The following EYS variants were observed in gnomAD, a reference collection of about 807,000 sequenced individuals.
EYS encodes EGF-like photoreceptor maintenance factor.
EYS carries 250 observed loss-of-function variants against 282.1 expected under a neutral mutation model. The ratio of observed to expected loss-of-function variants is 0.89; its 90% CI spans 0.80 to 0.98. The LOEUF (loss-of-function observed/expected upper bound fraction) is 0.98, where lower values mean the gene tolerates loss of function less well. Among genes scored for constraint, EYS ranks in the 50% least tolerant of loss-of-function variants. The probability of loss-of-function intolerance (pLI) is 0.00; values close to 1 mark genes in which losing one functional copy is unlikely to be tolerated. For synonymous variants in EYS, 1,355 were observed against 1,282.9 expected (o/e 1.06, Z -1.20); for missense variants, 4,016 against 3,709.0 (o/e 1.08, Z -2.15).
At chr6:64,441,786 G>A (rs1456501047) in intron 26 of EYS, among the ~76,000 whole-genome samples, 6 of 152,292 alleles carry the variant, frequency 3.9e-5, no homozygotes, top group African/African-American at 1.2e-4. Flanking sequence ...CATGTAAGAG[G>A]TGACTTGCTC....
At chr6:64,371,124 T>G (rs1386420834) in intron 29 of EYS, among the ~76,000 whole-genome samples, 1 of 152,124 alleles carries the variant, frequency 6.6e-6, no homozygotes. Flanking sequence ...TTATTTGAGA[T>G]CTTCCTAACT....
At chr6:65,268,230 T>C (rs1438795670) in intron 12 of EYS, among the ~76,000 whole-genome samples, 1 of 152,048 alleles carries the variant, frequency 6.6e-6, no homozygotes, top group Non-Finnish European at 1.5e-5. Flanking sequence ...AATCTATCAT[T>C]AAAATTGATT....
intron 29 of EYS, among the ~76,000 whole-genome samples, chr6:64,350,083 T>C (rs1325713100): frequency 6.6e-6 from 1 of 151,486 alleles, no homozygotes; most frequent in African/African-American, 2.4e-5. Context: ...GATTCTGTAT[T>C]AGGTGTGTCA....
At chr6:65,381,317 A>C (rs1233063270) in intron 8 of EYS, among the ~76,000 whole-genome samples, 1 of 152,046 alleles carries the variant, frequency 6.6e-6, no homozygotes, top group Non-Finnish European at 1.5e-5. Context: ...TCCTTTGCAG[A>C]GATGTGGATG....
chr6:65,330,843 C>T lies in EYS; in HGVS notation c.1766+4137G>A, dbSNP rs1044278388. 8 of 936,126 alleles carry T rather than the reference C, an allele frequency of 8.5e-6. No individual in the cohort carries two copies. The African/African-American group carries it at 1.3e-4, about 15-fold the overall frequency. The allele number at this position is 936,126 out of a possible 1,614,324, so 58.0% of individuals were successfully genotyped here. A position where few individuals can be genotyped will look rare whatever the true frequency, so the allele number is the denominator to read the frequency against. The stretch of plus-strand genomic sequence containing the variant: ...GATCCCTATACACATTTAGAGTCTA[C>T]TTCTATATAAGGTATAAGGTTGTAA... On this transcript the variant is annotated intron_variant, in intron 11 of 42. Coordinates refer to ENST00000503581, the MANE Select transcript of EYS (RefSeq NM_001142800.2).
At chr6:65,054,458 ATT>A (rs1379461344) in intron 13 of EYS, among the ~76,000 whole-genome samples, 5 of 151,950 alleles carry the variant, frequency 3.3e-5, no homozygotes, top group Admixed American at 3.3e-4. Flanking sequence ...ACTACTATTG[ATT>A]TTCTGTTGGT....
intron 19 of EYS, among the ~76,000 whole-genome samples, chr6:64,871,543 C>A (rs1483187330): frequency 1.3e-5 from 2 of 151,886 alleles, no homozygotes; most frequent in Non-Finnish European, 2.9e-5. Context: ...AAATAAAAGT[C>A]ATCTCTTGCT....
intron 2 of EYS, among the ~76,000 whole-genome samples, chr6:65,558,238 G>A (rs979515924): frequency 6.6e-6 from 1 of 152,234 alleles, no homozygotes; most frequent in Non-Finnish European, 1.5e-5. Flanking sequence ...TCAGACACCT[G>A]GCCTCCCTCC....
In EYS at chr6:63,859,111, T is replaced by TTTTTTTTTTTTTTTTTTTTTTA. The variant is rs796999871; in HGVS notation, c.7228+5074_7228+5075insTAAAAAAAAAAAAAAAAAAAAA. Among the ~76,000 whole-genome samples the TTTTTTTTTTTTTTTTTTTTTTA allele has an allele frequency of 5.6e-5, 4 of 71,180 alleles. 2 individuals carry two copies. Among genetic ancestry groups the TTTTTTTTTTTTTTTTTTTTTTA allele is most frequent in the Admixed American group, 2.9e-4 (2 of 6,956 alleles). The allele number at this position is 71,180 out of a possible 152,430, so 46.7% of individuals were successfully genotyped here. On this transcript the variant is annotated intron_variant, in intron 36 of 42. Transcript: ENST00000503581. ...TTTTTTTTTTTTTTTTTTTTTTTTT[T>TTTTTTTTTTTTTTTTTTTTTTA]AATAGCTGGGATGGAGATGCAGCCT...
chr6:64,764,688 T>A (rs1198411298), intron 22 of EYS, among the ~76,000 whole-genome samples: 1 of 152,240 alleles, frequency 6.6e-6, no homozygotes, highest in African/African-American at 2.4e-5. Context: ...TCTACTCCAT[T>A]GTCAGGCTGC....
intron 13 of EYS, among the ~76,000 whole-genome samples, chr6:65,044,450 T>C (rs1197983007): frequency 6.6e-6 from 1 of 151,818 alleles, no homozygotes; most frequent in Non-Finnish European, 1.5e-5. Context: ...AAAATATCCT[T>C]GCCCAATCCA....
At chr6:64,094,116 T>C (rs1334980608) in intron 31 of EYS, among the ~76,000 whole-genome samples, 2 of 152,214 alleles carry the variant, frequency 1.3e-5, no homozygotes, top group East Asian at 1.9e-4. Context: ...CACTTGATCA[T>C]GGTGGATAAG....
intron 11 of EYS, among the ~76,000 whole-genome samples, chr6:65,324,781 C>A (rs1769573854): frequency 6.6e-6 from 1 of 152,128 alleles, no homozygotes; most frequent in Non-Finnish European, 1.5e-5. Flanking sequence ...TTGTTTTTAT[C>A]ATTTTTAAAA....
At chr6:64,537,179 C>T (rs1475849792) in intron 26 of EYS, among the ~76,000 whole-genome samples, 4 of 128,732 alleles carry the variant, frequency 3.1e-5, no homozygotes, top group East Asian at 2.5e-4. Flanking sequence ...CACAACAGTC[C>T]CCAGAGTGTG....
Position 65,061,790 on chromosome 6 carries a change from G to A in EYS, c.2024-4063C>T, listed in dbSNP as rs372715099. On this transcript the variant is annotated intron_variant, in intron 12 of 42. Transcript: ENST00000503581. ...ATCTGGGCTAAATCACACTGTGATCGTTTTCTCCTCATAGGAACCATCATG... is the reference window on the plus strand; with the variant it reads ...ATCTGGGCTAAATCACACTGTGATCATTTTCTCCTCATAGGAACCATCATG... 7.9e-5 allele frequency among the ~76,000 whole-genome samples: 12 copies of A among 151,882 alleles called. No homozygotes were observed. In the East Asian group the frequency reaches 9.7e-4, roughly 12 times the overall value.
intron 22 of EYS, among the ~76,000 whole-genome samples, chr6:64,671,593 A>G (rs1234725199): frequency 6.6e-6 from 1 of 152,170 alleles, no homozygotes; most frequent in African/African-American, 2.4e-5. Flanking sequence ...AGGAGCTTCA[A>G]CCTGGTTATA....
At chr6:64,042,718 A>G (rs1436434639) in intron 33 of EYS, among the ~76,000 whole-genome samples, 3 of 151,978 alleles carry the variant, frequency 2.0e-5, no homozygotes, top group Admixed American at 6.6e-5. Flanking sequence ...GTAATTTTGT[A>G]TATCTTTTTG....
intron 30 of EYS, among the ~76,000 whole-genome samples, chr6:64,286,720 G>A (rs1241256195): frequency 1.3e-5 from 2 of 152,094 alleles, no homozygotes; most frequent in Non-Finnish European, 1.5e-5. Flanking sequence ...AAAAGAAAAA[G>A]AAAAGCTTAA....
chr6:65,494,032 G>C (rs895476845), intron 4 of EYS, among the ~76,000 whole-genome samples: 1 of 151,996 alleles, frequency 6.6e-6, no homozygotes, highest in Admixed American at 6.6e-5. Context: ...GTGACTAAAA[G>C]CTTTTATATT....
Sources: gnomAD v4.1 joint callset for allele counts (sites outside exome capture counted in the v4.1 genomes callset) on GRCh38, gnomAD v4.1.1 for gene constraint, MANE v1.5 for transcripts, NCBI Gene and HGNC (gene_info 2026-07-23, HGNC 2026-07-21) for gene names.